AGBL4: variants seen among roughly 807,000 people sequenced by gnomAD.
The protein encoded by AGBL4 is AGBL carboxypeptidase 4.
AGBL4 carries 58 observed loss-of-function variants against 66.4 expected under a neutral mutation model. The observed-to-expected ratio is 0.87, with a 90% CI of 0.71 to 1.09. AGBL4 has a LOEUF of 1.09. Among genes scored for constraint, AGBL4 ranks in the 50% least tolerant of loss-of-function variants. The pLI is 0.00. For synonymous variants in AGBL4, 234 were observed against 222.9 expected, an observed-to-expected ratio of 1.05 and a Z score of -0.44; for missense variants, 579 against 631.0, an observed-to-expected ratio of 0.92 and a Z score of 0.88.
At chr1:48,649,523 C>T (rs1645893236) in intron 8 of AGBL4, among the ~76,000 whole-genome samples, 1 of 152,190 alleles carries the variant, frequency 6.6e-6, no homozygotes, top group Non-Finnish European at 1.5e-5. Flanking sequence ...TATACTCTTA[C>T]TGTAAACCAT....
chr1:49,080,737 T>G (rs1644794984), intron 4 of AGBL4, among the ~76,000 whole-genome samples: 1 of 152,218 alleles, frequency 6.6e-6, no homozygotes, highest in Non-Finnish European at 1.5e-5. Flanking sequence ...AATTGCCATA[T>G]TGTATGTTTT....
intron 2 of AGBL4, among the ~76,000 whole-genome samples, chr1:49,758,155 T>C (rs1398092990): frequency 3.9e-5 from 6 of 152,146 alleles, no homozygotes; most frequent in African/African-American, 9.7e-5. Context: ...CTTGGCAACT[T>C]CCACATGATG....
At chr1:49,982,541 G>A (rs1659140463) in intron 1 of AGBL4, among the ~76,000 whole-genome samples, 1 of 152,216 alleles carries the variant, frequency 6.6e-6, no homozygotes, top group African/African-American at 2.4e-5. Flanking sequence ...GCAGGAAGCA[G>A]AAAGGCTTGG....
At chr1:49,294,295 A>G (rs1644599368) in intron 3 of AGBL4, among the ~76,000 whole-genome samples, 1 of 152,214 alleles carries the variant, frequency 6.6e-6, no homozygotes, top group Admixed American at 6.5e-5. Flanking sequence ...AACTTCAGAA[A>G]TCCACATGGA....
intron 2 of AGBL4, among the ~76,000 whole-genome samples, chr1:49,702,034 T>C (rs560207530): frequency 6.6e-6 from 1 of 151,846 alleles, no homozygotes; most frequent in East Asian, 1.9e-4. Flanking sequence ...GTATGTTGTC[T>C]GGAAAGACAA....
At chr1:49,167,294 T>C (rs979651791) in intron 4 of AGBL4, among the ~76,000 whole-genome samples, 3 of 152,206 alleles carry the variant, frequency 2.0e-5, no homozygotes, top group African/African-American at 4.8e-5. Flanking sequence ...TGCTGGAATG[T>C]AGTCTACACA....
At chr1:49,917,882 C>G (rs1011032276) in intron 1 of AGBL4, among the ~76,000 whole-genome samples, 7 of 152,024 alleles carry the variant, frequency 4.6e-5, no homozygotes, top group South Asian at 2.1e-4. Flanking sequence ...ATAACAAACT[C>G]TCTCTCAGAC....
At chr1:48,673,083 T>C (rs1373800306) in intron 6 of AGBL4, among the ~76,000 whole-genome samples, 1 of 152,188 alleles carries the variant, frequency 6.6e-6, no homozygotes, top group Non-Finnish European at 1.5e-5. Flanking sequence ...TCTTTTGACA[T>C]TCCCAAGGGG....
intron 3 of AGBL4, among the ~76,000 whole-genome samples, chr1:49,332,331 G>A (rs1438997056): frequency 6.6e-6 from 1 of 152,090 alleles, no homozygotes; most frequent in Admixed American, 6.6e-5. Context: ...AACTAGTAAA[G>A]ACAATTAATA....
chr1:48,873,587 A>G (rs1371655900), intron 5 of AGBL4, among the ~76,000 whole-genome samples: 1 of 152,036 alleles, frequency 6.6e-6, no homozygotes, highest in Non-Finnish European at 1.5e-5. Context: ...CTAGCCTAGC[A>G]CCTGACCAAC....
intron 5 of AGBL4, among the ~76,000 whole-genome samples, chr1:48,914,499 G>C (rs1187621876): frequency 6.6e-6 from 1 of 152,224 alleles, no homozygotes; most frequent in Non-Finnish European, 1.5e-5. Flanking sequence ...AGCAAACCTA[G>C]AGGGGACATG....
At chr1:48,888,067 G>A (rs1040060779) in intron 5 of AGBL4, among the ~76,000 whole-genome samples, 2 of 152,152 alleles carry the variant, frequency 1.3e-5, no homozygotes, top group Non-Finnish European at 2.9e-5. Context: ...GGGCTGTGAG[G>A]ATGACACACA....
chr1:50,003,130 T>G (rs1660886764), intron 1 of AGBL4, among the ~76,000 whole-genome samples: 1 of 152,094 alleles, frequency 6.6e-6, no homozygotes, highest in Non-Finnish European at 1.5e-5. Context: ...TACACAAAAT[T>G]AAGAATCATA....
chr1:49,617,282 G>A (rs1412860384), intron 3 of AGBL4, among the ~76,000 whole-genome samples: 1 of 152,072 alleles, frequency 6.6e-6, no homozygotes, highest in African/African-American at 2.4e-5. Context: ...CCCTCAGATA[G>A]CCCTGCAGGT....
At chr1:49,403,385 T>C (rs1234286034) in intron 3 of AGBL4, among the ~76,000 whole-genome samples, 1 of 152,206 alleles carries the variant, frequency 6.6e-6, no homozygotes, top group Non-Finnish European at 1.5e-5. Context: ...GTGTTTCTTG[T>C]AGGCAATAGA....
intron 3 of AGBL4, among the ~76,000 whole-genome samples, chr1:49,344,283 C>T (rs575884719): frequency 2.0e-5 from 3 of 151,288 alleles, no homozygotes; most frequent in East Asian, 1.9e-4. Context: ...GCACAATGTG[C>T]ACATGTACCC....
chr1:49,782,035 G>C (rs1039164975), intron 2 of AGBL4, among the ~76,000 whole-genome samples: 4 of 151,662 alleles, frequency 2.6e-5, no homozygotes, highest in African/African-American at 9.7e-5. Flanking sequence ...CAAAATCAAT[G>C]ACATAAGCAT....
chr1:50,022,416 A>C (rs1449711151), intron 1 of AGBL4, among the ~76,000 whole-genome samples: 1 of 152,206 alleles, frequency 6.6e-6, no homozygotes, highest in Non-Finnish European at 1.5e-5. Context: ...GGATGAATGA[A>C]TAAAGGAATA....
chr1:49,745,521 T>C (rs1650917253), intron 2 of AGBL4, among the ~76,000 whole-genome samples: 1 of 151,934 alleles, frequency 6.6e-6, no homozygotes, highest in African/African-American at 2.4e-5. Context: ...GTTGGAGGCA[T>C]CCACTGAAGG....
Sources: gnomAD v4.1 joint callset for allele counts (sites outside exome capture counted in the v4.1 genomes callset) on GRCh38, gnomAD v4.1.1 for gene constraint, MANE v1.5 for transcripts, NCBI Gene and HGNC (gene_info 2026-07-23, HGNC 2026-07-21) for gene names.